PTPRT: variants seen among roughly 807,000 people sequenced by gnomAD.
PTPRT encodes the protein protein tyrosine phosphatase receptor type T.
In PTPRT, 56 loss-of-function variants were observed where a neutral mutation model predicts 176.8. The ratio of observed to expected loss-of-function variants is 0.32; its 90% CI spans 0.26 to 0.40. The LOEUF (loss-of-function observed/expected upper bound fraction) is 0.40. Among genes scored for constraint, PTPRT ranks in the 10% least tolerant of loss-of-function variants. The probability of loss-of-function intolerance (pLI) is 1.00; values close to 1 mark genes in which losing one functional copy is unlikely to be tolerated. For missense variants in PTPRT, 1,540 were observed against 1,908.2 expected (o/e 0.81, Z 3.60); for synonymous variants, 783 against 739.0 (o/e 1.06, Z -0.96).
At chr20:42,031,934 C>A in the PTPRT span, among the ~76,000 whole-genome samples, 1 of 152,204 alleles carries the variant, frequency 6.6e-6, no homozygotes, top group East Asian at 1.9e-4. Flanking sequence ...TGTAAATCTT[C>A]GCAACACTGT....
chr20:42,566,112 A>T (rs554458556), intron 7 of PTPRT, among the ~76,000 whole-genome samples: 69 of 88,712 alleles, frequency 7.8e-4, no homozygotes, highest in East Asian at 6.3e-3. Flanking sequence ...AAGTATAATT[A>T]AAAAAAAATA....
rs190742174 is a variant in PTPRT at position 42,461,323 on chromosome 20, G to A, written c.1450+10943C>T. The stretch of plus-strand genomic sequence containing the variant: ...GCCTGGGCAACAAGAGTGAAACTCC[G>A]TCTCAAAAATAAATAAATAAATAAA... On this transcript the variant is annotated intron_variant, in intron 8 of 30. Coordinates refer to ENST00000373187, the MANE Select transcript of PTPRT (RefSeq NM_007050.6). Among the ~76,000 whole-genome samples the A allele has an allele frequency of 6.0e-4, 92 of 152,088 alleles. 2 individuals are homozygous for A. In the East Asian group the frequency reaches 6.2e-3, roughly 10 times the overall value.
intron 7 of PTPRT, among the ~76,000 whole-genome samples, chr20:42,515,740 C>T (rs1483407734): frequency 6.6e-6 from 1 of 152,070 alleles, no homozygotes; most frequent in Non-Finnish European, 1.5e-5. Context: ...ACATCTTTGC[C>T]ATCCCATTAC....
At chr20:42,908,696 T>A (rs1464156976) in intron 1 of PTPRT, among the ~76,000 whole-genome samples, 1 of 152,162 alleles carries the variant, frequency 6.6e-6, no homozygotes, top group Non-Finnish European at 1.5e-5. Context: ...GTGGTCAAGT[T>A]TGGAGAAATC....
chr20:42,176,308 C>G (rs547501507), intron 16 of PTPRT, among the ~76,000 whole-genome samples: 3 of 152,258 alleles, frequency 2.0e-5, no homozygotes, highest in Non-Finnish European at 4.4e-5. Flanking sequence ...TTTCCTGCCT[C>G]AGTTCCATTT....
chr20:42,131,928 G>A (rs1988142069), intron 18 of PTPRT, among the ~76,000 whole-genome samples: 1 of 152,168 alleles, frequency 6.6e-6, no homozygotes. Flanking sequence ...AAGCACCGTG[G>A]GGGAGCTGCA....
At chr20:42,086,753 A>AAAAAATATATATATATATATATAT (rs1983991312) in intron 27 of PTPRT, among the ~76,000 whole-genome samples, 5 of 95,532 alleles carry the variant, frequency 5.2e-5, no homozygotes, top group African/African-American at 2.0e-4. Flanking sequence ...AAAAAAAAAA[A>AAAAAATATATATATATATATATAT]ATATATATAT....
intron 1 of PTPRT, among the ~76,000 whole-genome samples, chr20:42,901,295 A>G (rs2079400289): frequency 6.6e-6 from 1 of 152,096 alleles, no homozygotes; most frequent in Non-Finnish European, 1.5e-5. Context: ...TACATTCCTG[A>G]TAAGCTGTCA....
chr20:43,104,633 G>T (rs552202828), intron 1 of PTPRT, among the ~76,000 whole-genome samples: 1 of 152,310 alleles, frequency 6.6e-6, no homozygotes, highest in South Asian at 2.1e-4. Context: ...TTCCATGATT[G>T]CTCCTGTCAT....
At chr20:42,291,234 G>A (rs1430649225) in intron 12 of PTPRT, among the ~76,000 whole-genome samples, 2 of 152,068 alleles carry the variant, frequency 1.3e-5, no homozygotes, top group East Asian at 3.9e-4. Flanking sequence ...CTGCTCAACA[G>A]ATATTTATTG....
intron 7 of PTPRT, among the ~76,000 whole-genome samples, chr20:42,542,684 T>C: frequency 6.6e-6 from 1 of 152,226 alleles, no homozygotes; most frequent in East Asian, 1.9e-4. Context: ...CCTACTAATA[T>C]ACTCACACAT....
intron 9 of PTPRT, among the ~76,000 whole-genome samples, chr20:42,397,898 T>C (rs911271869): frequency 1.3e-5 from 2 of 152,238 alleles, no homozygotes; most frequent in South Asian, 2.1e-4. Context: ...CTAATTTTAA[T>C]TTCCACTAAC....
chr20:42,761,879 C>T (rs1180952087), intron 5 of PTPRT, among the ~76,000 whole-genome samples: 1 of 152,184 alleles, frequency 6.6e-6, no homozygotes, highest in African/African-American at 2.4e-5. Context: ...GACACTGAGA[C>T]ATTAATCACA....
At chr20:42,849,280 T>G (rs1304128546) in intron 2 of PTPRT, among the ~76,000 whole-genome samples, 1 of 152,180 alleles carries the variant, frequency 6.6e-6, no homozygotes, top group Non-Finnish European at 1.5e-5. Flanking sequence ...AAGTCCCACT[T>G]TCTCTTAAAT....
Position 42,073,773 on chromosome 20 carries a change from A to G in PTPRT, c.*7106T>C, listed in dbSNP as rs149524075. The G allele has an allele frequency of 4.8e-4, 108 of 223,362 alleles. No homozygotes were observed. The highest frequency in any genetic ancestry group is 2.0e-3 in the African/African-American group (90 of 44,876). 13.8% of individuals were successfully genotyped at this position (223,362 alleles called of 1,614,324 possible). Reference sequence around the variant, plus strand: ...CTTCAGCCTGTACAGACCAAACACAATCTACTTGGATTCGTGCTCTACAGG... The same window carrying G: ...CTTCAGCCTGTACAGACCAAACACAGTCTACTTGGATTCGTGCTCTACAGG... On this transcript the variant is annotated 3_prime_UTR_variant, in exon 31 of 31. Transcript: ENST00000373187.
At chr20:42,630,737 G>C (rs1439355938) in intron 7 of PTPRT, among the ~76,000 whole-genome samples, 1 of 152,168 alleles carries the variant, frequency 6.6e-6, no homozygotes, top group Non-Finnish European at 1.5e-5. Context: ...AGGTGGCATG[G>C]AAACAAAGGG....
chr20:42,562,965 G>T (rs1250871771), intron 7 of PTPRT, among the ~76,000 whole-genome samples: 1 of 152,120 alleles, frequency 6.6e-6, no homozygotes, highest in African/African-American at 2.4e-5. Flanking sequence ...CAATAAAAGT[G>T]CTAGAAGAAA....
intron 14 of PTPRT, among the ~76,000 whole-genome samples, chr20:42,241,342 T>C (rs985969511): frequency 7.2e-5 from 11 of 151,954 alleles, no homozygotes; most frequent in Non-Finnish European, 1.5e-4. Context: ...TGGAACTGTG[T>C]TTGTGGTTTG....
At position 42,502,405 on chromosome 20, in the gene PTPRT, A is replaced by AACACAC. The variant is rs11467404; in HGVS notation, c.1154-29849_1154-29844dup. Among the ~76,000 whole-genome samples the AACACAC allele has an allele frequency of 2.0e-3, 274 of 137,404 alleles. 2 individuals carry two copies. The highest frequency in any genetic ancestry group is 5.4e-3 in the Admixed American group (71 of 13,260). The allele number at this position is 137,404 out of a possible 152,430, so 90.1% of individuals were successfully genotyped here. On this transcript the variant is annotated intron_variant, in intron 7 of 30. Coordinates refer to ENST00000373187, the MANE Select transcript of PTPRT (RefSeq NM_007050.6). ...CTAGAAAAAATTACATATGTATACA[A>AACACAC]ACACACACACACACACACACACACA...
Sources: gnomAD v4.1 joint callset for allele counts (sites outside exome capture counted in the v4.1 genomes callset) on GRCh38, gnomAD v4.1.1 for gene constraint, MANE v1.5 for transcripts, NCBI Gene and HGNC (gene_info 2026-07-23, HGNC 2026-07-21) for gene names.